FHOD3: variants seen among roughly 807,000 people sequenced by gnomAD.
The protein encoded by FHOD3 is formin homology 2 domain containing 3, also known as FH1/FH2 domain-containing protein 3.
FHOD3 carries 90 observed loss-of-function variants against 173.0 expected under a neutral mutation model. The ratio of observed to expected loss-of-function variants is 0.52; its 90% CI spans 0.44 to 0.62. The LOEUF (loss-of-function observed/expected upper bound fraction) is 0.62, where lower values mean the gene tolerates loss of function less well. FHOD3 is among the 20% of genes least tolerant of loss of function. The pLI, the probability that FHOD3 is intolerant of heterozygous loss-of-function variation, is 0.00. For synonymous variants in FHOD3, 828 were observed against 823.0 expected (o/e 1.01, Z -0.10); for missense variants, 1,945 against 2,034.7 (o/e 0.96, Z 0.85).
intron 28 of FHOD3, among the ~76,000 whole-genome samples, chr18:36,771,675 C>G (rs2043387646): frequency 6.6e-6 from 1 of 152,216 alleles, no homozygotes; most frequent in Non-Finnish European, 1.5e-5. Context: ...TGGCAGGAAC[C>G]TGCGCACCAG....
intron 17 of FHOD3, among the ~76,000 whole-genome samples, chr18:36,699,017 A>C (rs988784074): frequency 6.6e-6 from 1 of 152,194 alleles, no homozygotes; most frequent in Non-Finnish European, 1.5e-5. Context: ...TAAACCAACC[A>C]GATCTTTGCT....
chr18:36,545,806 T>C (rs750963498), intron 5 of FHOD3, among the ~76,000 whole-genome samples: 2 of 152,232 alleles, frequency 1.3e-5, no homozygotes, highest in African/African-American at 2.4e-5. Context: ...TGCTTTTTGA[T>C]ATGTGGAAAT....
intron 5 of FHOD3, among the ~76,000 whole-genome samples, chr18:36,517,930 C>A: frequency 6.6e-6 from 1 of 152,076 alleles, no homozygotes; most frequent in African/African-American, 2.4e-5. Context: ...TAATGAGAAT[C>A]AGGATGTATG....
At chr18:36,412,150 G>A (rs1052417534) in intron 3 of FHOD3, among the ~76,000 whole-genome samples, 11 of 152,158 alleles carry the variant, frequency 7.2e-5, no homozygotes, top group African/African-American at 2.7e-4. Flanking sequence ...TATTGCTCAG[G>A]GTCATTGCTT....
chr18:36,305,586 T>A (rs1418524284), intron 1 of FHOD3, among the ~76,000 whole-genome samples: 1 of 152,190 alleles, frequency 6.6e-6, no homozygotes, highest in Non-Finnish European at 1.5e-5. Context: ...AAGCCCAAGA[T>A]TTTTTTAAGT....
chr18:36,723,546 C>G (rs143366517), intron 19 of FHOD3, among the ~76,000 whole-genome samples: 59 of 152,280 alleles, frequency 3.9e-4, no homozygotes, highest in African/African-American at 1.4e-3. Flanking sequence ...TTGAAAATAT[C>G]CTGTGGCATC....
At chr18:36,678,775 A>C (rs113068358) in intron 14 of FHOD3, among the ~76,000 whole-genome samples, 3 of 152,226 alleles carry the variant, frequency 2.0e-5, no homozygotes, top group African/African-American at 7.2e-5. Flanking sequence ...GTATTCATTT[A>C]TACTGTCATC....
intron 3 of FHOD3, among the ~76,000 whole-genome samples, chr18:36,442,145 C>T (rs2051188981): frequency 6.6e-6 from 1 of 152,184 alleles, no homozygotes; most frequent in African/African-American, 2.4e-5. Context: ...ATGCCCCCTC[C>T]CTGCTCCCCT....
intron 5 of FHOD3, among the ~76,000 whole-genome samples, chr18:36,532,765 C>T (rs1000173333): frequency 4.6e-5 from 7 of 152,218 alleles, no homozygotes; most frequent in Non-Finnish European, 8.8e-5. Flanking sequence ...TAACCTCAAC[C>T]GCAGAACATC....
chr18:36,550,788 T>C (rs368163632), intron 5 of FHOD3, among the ~76,000 whole-genome samples: 6 of 152,312 alleles, frequency 3.9e-5, no homozygotes, highest in African/African-American at 1.4e-4. Flanking sequence ...TACAACCTTG[T>C]TAAACTGACT....
rs2053859512 is a variant in FHOD3 at position 36,481,023 on chromosome 18, T to TG, written c.338-20909_338-20908insG. Among the ~76,000 whole-genome samples the TG allele has an allele frequency of 4.5e-5, 2 of 44,470 alleles. 1 individual carries two copies. Among genetic ancestry groups the TG allele is most frequent in the African/African-American group, 1.3e-4 (2 of 15,312 alleles). 29.2% of individuals were successfully genotyped at this position (44,470 alleles called of 152,430 possible). On this transcript the variant is annotated intron_variant, in intron 3 of 28. Coordinates refer to ENST00000590592, the MANE Select transcript of FHOD3 (RefSeq NM_001281740.3). ...AGGCTGGGCATATTGGGAGGTGGTT[T>TG]TTTTTTTTTTTTTTTTTTTGCGTTT...
At chr18:36,762,317 C>T (rs2042917032) in intron 27 of FHOD3, among the ~76,000 whole-genome samples, 1 of 152,152 alleles carries the variant, frequency 6.6e-6, no homozygotes. Flanking sequence ...CCAAGGAGGA[C>T]CTCAAAGGGA....
At chr18:36,618,718 G>T (rs577788420) in intron 9 of FHOD3, among the ~76,000 whole-genome samples, 1 of 152,296 alleles carries the variant, frequency 6.6e-6, no homozygotes, top group East Asian at 1.9e-4. Flanking sequence ...GTAGCAGCTA[G>T]CTCCTCCCCA....
chr18:36,668,749 T>A (rs1380628541), intron 14 of FHOD3, among the ~76,000 whole-genome samples: 1 of 152,092 alleles, frequency 6.6e-6, no homozygotes, highest in African/African-American at 2.4e-5. Flanking sequence ...CCATGGGTTA[T>A]TTTAAAGTAT....
chr18:36,718,850 A>T (rs1183096911), intron 19 of FHOD3, 135 bp downstream of exon 19: 3 of 1,425,858 alleles, frequency 2.1e-6, no homozygotes, highest in Non-Finnish European at 2.8e-6. Flanking sequence ...TTGATCTTTA[A>T]TATAGTGTTC....
At chr18:36,301,978 G>A (rs993558930) in intron 1 of FHOD3, among the ~76,000 whole-genome samples, 1 of 152,200 alleles carries the variant, frequency 6.6e-6, no homozygotes, top group Non-Finnish European at 1.5e-5. Flanking sequence ...CCATCCTAGA[G>A]GGACATCAGC....
At chr18:36,355,267 C>T (rs1403328268) in intron 1 of FHOD3, among the ~76,000 whole-genome samples, 4 of 152,110 alleles carry the variant, frequency 2.6e-5, no homozygotes, top group East Asian at 1.9e-4. Context: ...TGGAAAAAAG[C>T]GCTGGCCCAG....
intron 9 of FHOD3, among the ~76,000 whole-genome samples, chr18:36,612,647 G>C (rs1258464592): frequency 6.6e-6 from 1 of 152,086 alleles, no homozygotes; most frequent in East Asian, 1.9e-4. Flanking sequence ...CGTAAGGAAA[G>C]AAAAATTAAA....
At chr18:36,463,703 C>A (rs142735127) in intron 3 of FHOD3, among the ~76,000 whole-genome samples, 2,298 of 152,082 alleles carry the variant, frequency 0.015, 59 homozygotes, top group African/African-American at 0.052. Flanking sequence ...ACCATGTTGC[C>A]CAGGCTGTTC....
Sources: gnomAD v4.1 joint callset for allele counts (sites outside exome capture counted in the v4.1 genomes callset) on GRCh38, gnomAD v4.1.1 for gene constraint, MANE v1.5 for transcripts, NCBI Gene and HGNC (gene_info 2026-07-23, HGNC 2026-07-21) for gene names.